The following PIP5K1B variants were observed in gnomAD, a reference collection of about 807,000 sequenced individuals.
PIP5K1B encodes phosphatidylinositol 4-phosphate 5-kinase type-1 beta.
PIP5K1B carries 42 observed loss-of-function variants against 67.0 expected under a neutral mutation model. The ratio of observed to expected loss-of-function variants is 0.63; its 90% CI spans 0.49 to 0.81. PIP5K1B has a LOEUF of 0.81. PIP5K1B is among the 30% of genes least tolerant of loss of function. The pLI, the probability that PIP5K1B is intolerant of heterozygous loss-of-function variation, is 0.00. For synonymous variants in PIP5K1B, 214 were observed against 231.4 expected, an observed-to-expected ratio of 0.92 and a Z score of 0.68; for missense variants, 459 against 646.3, an observed-to-expected ratio of 0.71 and a Z score of 3.14.
intron 14 of PIP5K1B, among the ~76,000 whole-genome samples, chr9:68,973,170 C>T (rs1413616488): frequency 2.0e-5 from 3 of 152,186 alleles, no homozygotes; most frequent in African/African-American, 7.2e-5. Context: ...GCTCCCGCAA[C>T]AGCTCAGACG....
chr9:68,925,795 A>ATTTTTTTTTTT (rs71353094), intron 12 of PIP5K1B, among the ~76,000 whole-genome samples: 7,717 of 72,982 alleles, frequency 0.11, 1,256 homozygotes, highest in Middle Eastern at 0.19. Flanking sequence ...TGTGGTTCCA[A>ATTTTTTTTTTT]TTTTTTTTTT....
intron 14 of PIP5K1B, among the ~76,000 whole-genome samples, chr9:68,959,317 A>G (rs538875202): frequency 2.0e-5 from 3 of 152,256 alleles, no homozygotes; most frequent in African/African-American, 2.4e-5. Context: ...GCCATTTTAC[A>G]TTATACATAT....
intron 12 of PIP5K1B, 135 bp downstream of exon 12, chr9:68,923,521 C>T (rs1826522090): frequency 3.5e-6 from 2 of 571,154 alleles, no homozygotes; most frequent in South Asian, 2.2e-5. Context: ...GGTTAAGTAA[C>T]CCAGTCAGGT....
At chr9:68,890,888 A>T (rs1369417864) in intron 7 of PIP5K1B, among the ~76,000 whole-genome samples, 5 of 152,200 alleles carry the variant, frequency 3.3e-5, no homozygotes, top group African/African-American at 1.2e-4. Flanking sequence ...CTGAGCTCAG[A>T]TATACTTGTC....
At chr9:68,935,861 G>T (rs1176751985) in intron 13 of PIP5K1B, 1 of 152,230 alleles carries the variant, frequency 6.6e-6, no homozygotes, top group East Asian at 1.9e-4. Context: ...GGAAAGAAAA[G>T]AGGCAGAAAG....
At chr9:68,992,839 CAAAAAAAAAAAAAAA>C (rs201517701) in intron 15 of PIP5K1B, among the ~76,000 whole-genome samples, 2,363 of 57,658 alleles carry the variant, frequency 0.041, 66 homozygotes, top group Middle Eastern at 0.061. Flanking sequence ...GACCCTGTCT[CAAAAAAAAAAAAAAA>C]AAAAAAAAAA....
At chr9:68,794,995 A>G (rs773575337) in intron 2 of PIP5K1B, among the ~76,000 whole-genome samples, 1 of 152,198 alleles carries the variant, frequency 6.6e-6, no homozygotes, top group Non-Finnish European at 1.5e-5. Context: ...GGAACTGCTT[A>G]TCTCTCCTGA....
chr9:69,004,655 T>C (rs73647057), intron 15 of PIP5K1B, among the ~76,000 whole-genome samples: 15,430 of 152,122 alleles, frequency 0.1, 1,486 homozygotes, highest in African/African-American at 0.25. Flanking sequence ...ATCTGCGTGC[T>C]GGGGAGCAGA....
chr9:68,836,880 C>CT (rs1564173052), intron 4 of PIP5K1B, among the ~76,000 whole-genome samples: 1 of 152,228 alleles, frequency 6.6e-6, no homozygotes, highest in Non-Finnish European at 1.5e-5. Context: ...CACACAGTGG[C>CT]TGGTATACAA....
At chr9:68,737,772 A>G (rs1391236990) in intron 1 of PIP5K1B, among the ~76,000 whole-genome samples, 3 of 152,236 alleles carry the variant, frequency 2.0e-5, no homozygotes, top group Admixed American at 6.5e-5. Flanking sequence ...TTTCTGAACT[A>G]TCATCATATA....
chr9:68,740,135 C>T (rs1828933606), intron 1 of PIP5K1B, among the ~76,000 whole-genome samples: 1 of 152,186 alleles, frequency 6.6e-6, no homozygotes, highest in African/African-American at 2.4e-5. Flanking sequence ...AAAGCCAGTT[C>T]TGTGTGGCCC....
At chr9:68,825,076 T>C (rs1833913498) in intron 4 of PIP5K1B, among the ~76,000 whole-genome samples, 1 of 152,246 alleles carries the variant, frequency 6.6e-6, no homozygotes, top group African/African-American at 2.4e-5. Context: ...ATTAAACATA[T>C]GGTTTATACA....
chr9:68,791,701 C>A (rs1831980524), intron 2 of PIP5K1B, among the ~76,000 whole-genome samples: 1 of 152,070 alleles, frequency 6.6e-6, no homozygotes, highest in Admixed American at 6.5e-5. Context: ...AATTTCATAC[C>A]TTTTCTATAT....
chr9:68,803,152 A>T (rs17057680), intron 2 of PIP5K1B, among the ~76,000 whole-genome samples: 15,845 of 152,270 alleles, frequency 0.1, 961 homozygotes, highest in Non-Finnish European at 0.15. Flanking sequence ...CCTTGATTTC[A>T]GGCTTGGACA....
At chr9:68,914,316 C>T (rs983377040) in intron 8 of PIP5K1B, among the ~76,000 whole-genome samples, 3 of 152,184 alleles carry the variant, frequency 2.0e-5, no homozygotes, top group Non-Finnish European at 4.4e-5. Flanking sequence ...CTTTTGGGAA[C>T]ATCCACAGTA....
At chr9:68,764,074 C>CTTTTT (rs72304177) in intron 2 of PIP5K1B, among the ~76,000 whole-genome samples, 5 of 73,546 alleles carry the variant, frequency 6.8e-5, no homozygotes, top group Admixed American at 1.7e-4. Flanking sequence ...ACTATAACTT[C>CTTTTT]TTTTTTTTTT....
chr9:68,751,728 G>A (rs1034541654), intron 2 of PIP5K1B, among the ~76,000 whole-genome samples: 1 of 152,298 alleles, frequency 6.6e-6, no homozygotes, highest in African/African-American at 2.4e-5. Flanking sequence ...AGAGTCATGG[G>A]CTTCATTGGG....
chr9:68,951,702 A>G (rs1828075525), intron 14 of PIP5K1B, among the ~76,000 whole-genome samples: 1 of 152,222 alleles, frequency 6.6e-6, no homozygotes, highest in Non-Finnish European at 1.5e-5. Context: ...TTATTAAAAA[A>G]GGTATTGATT....
chr9:68,805,489 A>G (rs984174987), intron 2 of PIP5K1B, among the ~76,000 whole-genome samples: 4 of 152,188 alleles, frequency 2.6e-5, no homozygotes, highest in African/African-American at 9.7e-5. Context: ...AATCTTGGAC[A>G]TTACTAACGA....
Sources: allele counts gnomAD v4.1 joint callset (sites outside exome capture counted in the v4.1 genomes callset), GRCh38; gene constraint gnomAD v4.1.1; transcripts MANE v1.5; gene names NCBI Gene and HGNC (gene_info 2026-07-23, HGNC 2026-07-21).